KCNMB4: variants seen among roughly 807,000 people sequenced by gnomAD.
KCNMB4 encodes potassium calcium-activated channel subfamily M regulatory beta subunit 4.
KCNMB4 carries 3 observed loss-of-function variants against 20.7 expected under a neutral mutation model. The ratio of observed to expected loss-of-function variants is 0.14; its 90% CI spans 0.07 to 0.37. KCNMB4 has a LOEUF of 0.37. Among genes scored for constraint, KCNMB4 ranks in the 10% least tolerant of loss-of-function variants. KCNMB4 has a pLI of 1.00. For missense variants in KCNMB4, 168 were observed against 265.9 expected, an observed-to-expected ratio of 0.63 and a Z score of 2.56; for synonymous variants, 110 against 113.4, an observed-to-expected ratio of 0.97 and a Z score of 0.19.
intron 2 of KCNMB4, among the ~76,000 whole-genome samples, chr12:70,408,817 A>G (rs745947222): frequency 1.3e-5 from 2 of 151,708 alleles, no homozygotes; most frequent in African/African-American, 2.4e-5. Flanking sequence ...TCCCTATATC[A>G]TGTTTTCATT....
chr12:70,409,116 T>A (rs548285386), intron 2 of KCNMB4, among the ~76,000 whole-genome samples: 1 of 152,368 alleles, frequency 6.6e-6, no homozygotes, highest in South Asian at 2.1e-4. Context: ...AGAGTTTTTC[T>A]ATACAGGTTT....
chr12:70,428,535 G>A (rs1869273853), intron 2 of KCNMB4, among the ~76,000 whole-genome samples: 1 of 152,150 alleles, frequency 6.6e-6, no homozygotes, highest in African/African-American at 2.4e-5. Flanking sequence ...AAGAATCACG[G>A]CAGTGCTGGG....
chr12:70,374,161 G>T (rs1190211233), intron 1 of KCNMB4, among the ~76,000 whole-genome samples: 1 of 152,068 alleles, frequency 6.6e-6, no homozygotes, highest in African/African-American at 2.4e-5. Context: ...AATCAAAAGA[G>T]ATTTGTGACA....
chr12:70,396,900 C>G (rs2136127813), intron 1 of KCNMB4, among the ~76,000 whole-genome samples: 1 of 152,278 alleles, frequency 6.6e-6, no homozygotes, highest in Admixed American at 6.5e-5. Flanking sequence ...TTTGGACTTT[C>G]ATTTCTAATT....
intron 2 of KCNMB4, among the ~76,000 whole-genome samples, chr12:70,415,867 G>T (rs1593344559): frequency 6.6e-6 from 1 of 152,252 alleles, no homozygotes. Context: ...ATGGGAAAAT[G>T]GTGCTCCTGC....
At chr12:70,377,375 T>A (rs1206705187) in intron 1 of KCNMB4, among the ~76,000 whole-genome samples, 1 of 152,206 alleles carries the variant, frequency 6.6e-6, no homozygotes, top group Non-Finnish European at 1.5e-5. Context: ...AAAATTACAT[T>A]TATACTATAT....
chr12:70,371,418 C>T (rs2136114004), intron 1 of KCNMB4, among the ~76,000 whole-genome samples: 2 of 152,310 alleles, frequency 1.3e-5, no homozygotes, highest in Middle Eastern at 3.4e-3. Context: ...TGTCCCAGTG[C>T]ACTGTAGGAG....
chr12:70,423,600 C>T (rs1869127852), intron 2 of KCNMB4, among the ~76,000 whole-genome samples: 1 of 152,080 alleles, frequency 6.6e-6, no homozygotes. Context: ...CACCTCAGCC[C>T]CTAAATAGCC....
chr12:70,430,181 T>C (rs1869322252), intron 2 of KCNMB4, among the ~76,000 whole-genome samples: 1 of 152,112 alleles, frequency 6.6e-6, no homozygotes, highest in South Asian at 2.1e-4. Context: ...AGAGGATGAA[T>C]GAGAAAGTGG....
intron 1 of KCNMB4, among the ~76,000 whole-genome samples, chr12:70,385,996 T>C (rs1224199150): frequency 1.3e-5 from 2 of 152,162 alleles, no homozygotes; most frequent in Non-Finnish European, 2.9e-5. Flanking sequence ...TTCCAAATTC[T>C]TTTCATATAT....
chr12:70,422,647 A>G, intron 2 of KCNMB4: 12 of 1,240,382 alleles, frequency 9.7e-6, no homozygotes, highest in Non-Finnish European at 1.1e-5. Context: ...AATAAAATTC[A>G]TTCGTTGATT....
At position 70,431,765 on chromosome 12, in the gene KCNMB4, C is replaced by T. The variant is rs778710742; in HGVS notation, c.*1112C>T. Reference sequence around the variant, plus strand: ...TAAACTCAAATTCCAAGTATCAAATCGCAGGTCTCAGTGAACATCAAACCT... The same window carrying T: ...TAAACTCAAATTCCAAGTATCAAATTGCAGGTCTCAGTGAACATCAAACCT... On this transcript the variant is annotated 3_prime_UTR_variant, in exon 3 of 3. Transcript: ENST00000258111. 1.4e-4 allele frequency: 22 copies of T among 152,094 alleles called. No individual in the cohort carries two copies. Among genetic ancestry groups the T allele is most frequent in the Non-Finnish European group, 2.6e-4 (18 of 68,024 alleles). 9.4% of individuals were successfully genotyped at this position (152,094 alleles called of 1,614,324 possible). A position where few individuals can be genotyped will look rare whatever the true frequency, so the allele number is the denominator to read the frequency against.
At chr12:70,400,465 G>A in intron 2 of KCNMB4, 129 bp downstream of exon 2, 1 of 918,172 alleles carries the variant, frequency 1.1e-6, no homozygotes, top group Non-Finnish European at 1.6e-6. Context: ...CGTGTAATTA[G>A]GGAAACCCAT....
intron 1 of KCNMB4, among the ~76,000 whole-genome samples, chr12:70,399,332 C>T (rs1868395041): frequency 6.6e-6 from 1 of 152,106 alleles, no homozygotes; most frequent in Non-Finnish European, 1.5e-5. Context: ...GTAAGACCAC[C>T]AGAATCTAGT....
At chr12:70,415,909 A>G (rs1868901847) in intron 2 of KCNMB4, among the ~76,000 whole-genome samples, 2 of 152,226 alleles carry the variant, frequency 1.3e-5, no homozygotes, top group African/African-American at 4.8e-5. Flanking sequence ...GTGAGAGCCA[A>G]CACACAAATA....
At chr12:70,418,689 T>G (rs776144560) in intron 2 of KCNMB4, among the ~76,000 whole-genome samples, 11 of 152,182 alleles carry the variant, frequency 7.2e-5, no homozygotes, top group Non-Finnish European at 1.3e-4. Context: ...TTGACCTCCT[T>G]TTAAATGCCA....
At chr12:70,409,319 C>G (rs1448105582) in intron 2 of KCNMB4, among the ~76,000 whole-genome samples, 3 of 152,174 alleles carry the variant, frequency 2.0e-5, no homozygotes, top group African/African-American at 7.2e-5. Flanking sequence ...ACTAGTCTGT[C>G]AGCCTTGGTC....
intron 2 of KCNMB4, among the ~76,000 whole-genome samples, chr12:70,406,593 G>C (rs80130211): frequency 0.093 from 14,140 of 152,214 alleles, 783 homozygotes; most frequent in Admixed American, 0.15. Flanking sequence ...CTTCCTTGAA[G>C]CTTCCTGCCC....
At position 70,379,707 on chromosome 12, in the gene KCNMB4, C is replaced by T. The variant is rs1883751338; in HGVS notation, c.336+12637C>T. On this transcript the variant is annotated intron_variant, in intron 1 of 2. Coordinates refer to ENST00000258111, the MANE Select transcript of KCNMB4 (RefSeq NM_014505.6). ...GATTACAGGCATGAGCCACCATGCCCAGCCCATTTTGCACTTTTATGTTAT... is the reference window on the plus strand; with the variant it reads ...GATTACAGGCATGAGCCACCATGCCTAGCCCATTTTGCACTTTTATGTTAT... Among the ~76,000 whole-genome samples the T allele has an allele frequency of 2.0e-5, 3 of 152,300 alleles. No individual in the cohort carries two copies. In the South Asian group the frequency reaches 6.2e-4, roughly 32 times the overall value.
Sources: gnomAD v4.1 joint callset for allele counts (sites outside exome capture counted in the v4.1 genomes callset) on GRCh38, gnomAD v4.1.1 for gene constraint, MANE v1.5 for transcripts, NCBI Gene and HGNC (gene_info 2026-07-23, HGNC 2026-07-21) for gene names.